CHRNA1: variants seen among roughly 807,000 people sequenced by gnomAD.
The protein encoded by CHRNA1 is cholinergic receptor nicotinic alpha 1 subunit, also known as acetylcholine receptor subunit alpha.
Under a neutral mutation model 47.1 loss-of-function variants are expected in CHRNA1, and 35 were observed. That is an observed-to-expected ratio of 0.74 (90% CI 0.57 to 0.99). The LOEUF (loss-of-function observed/expected upper bound fraction) is 0.99. CHRNA1 is among the 50% of genes least tolerant of loss of function. The probability of loss-of-function intolerance (pLI) is 0.00; values close to 1 mark genes in which losing one functional copy is unlikely to be tolerated. For missense variants in CHRNA1, 506 were observed against 591.1 expected (o/e 0.86, Z 1.49); for synonymous variants, 229 against 223.6 (o/e 1.02, Z -0.22).
At chr2:174,753,140 A>G (rs772902829) in intron 6 of CHRNA1, 56 of 522,728 alleles carry the variant, frequency 1.1e-4, no homozygotes, top group Non-Finnish European at 1.7e-4. Flanking sequence ...AAGTGACTTC[A>G]TCGTGGAAGT....
chr2:174,753,676 C>G lies in CHRNA1; in HGVS notation c.605G>C (p.Arg202Pro), dbSNP rs769337073. 6.2e-7 allele frequency: 1 copy of G among 1,614,012 alleles called. No individual in the cohort carries two copies. Among genetic ancestry groups the G allele is most frequent in the Non-Finnish European group, 8.5e-7 (1 of 1,180,024 alleles). ...ATAGGTCACGGAGTGCTTCCAGCCC[C>G]GGGACTCCTTGATCACCCACTCCCC... ...ESGEWVIKESRGWKHSVTYSC... is the reference protein window; with the variant it reads ...ESGEWVIKESPGWKHSVTYSC... The change falls in exon 6 of 9, where the codon CGG becomes CCG. Residue 202 changes from arginine to proline, a missense_variant. Coordinates refer to ENST00000348749, the MANE Select transcript of CHRNA1 (RefSeq NM_000079.4).
chr2:174,757,801 G>T, intron 3 of CHRNA1, 126 bp from the exon 4 acceptor site: 1 of 1,030,404 alleles, frequency 9.7e-7, no homozygotes, highest in Non-Finnish European at 1.5e-6. Context: ...AAGAAAAGTT[G>T]GATTCAGAAT....
At chr2:174,764,302 C>G in intron 1 of CHRNA1, 50 bp downstream of exon 1, 3 of 1,593,436 alleles carry the variant, frequency 1.9e-6, no homozygotes, top group Non-Finnish European at 2.6e-6. Flanking sequence ...GCCTCCAGCA[C>G]TTTAGCCTCA....
Position 174,753,739 on chromosome 2 carries a change from TC to T in CHRNA1, c.541del (p.Glu181LysfsTer7), listed in dbSNP as rs141198900. 1 of 1,613,924 alleles carries T rather than the reference TC, an allele frequency of 6.2e-7. No individual in the cohort carries two copies. The highest frequency in any genetic ancestry group is 2.2e-5 in the East Asian group (1 of 44,880). ...YDGSVVAINP[E>X]SDQPDLSNFM... ...GTTGCTCAGGTCTGGCTGGTCGCTT[TC>T]CTGAGAAAGGAAGTGAGGTTTGGAA... On this transcript the variant is annotated frameshift_variant and splice_region_variant, in exon 6 of 9. Transcript: ENST00000348749. LOFTEE classifies it high-confidence loss of function.
chr2:174,759,836 C>T (rs959483427), intron 1 of CHRNA1, among the ~76,000 whole-genome samples: 1 of 151,914 alleles, frequency 6.6e-6, no homozygotes, highest in Non-Finnish European at 1.5e-5. Context: ...GTCCCTTACC[C>T]GGTGACAGTG....
At chr2:174,753,299 G>A (rs570702836) in intron 6 of CHRNA1, 80 of 726,730 alleles carry the variant, frequency 1.1e-4, no homozygotes, top group Non-Finnish European at 1.7e-4. Flanking sequence ...ACTCCCTGCC[G>A]CTCGGGGTGT....
At chr2:174,751,146 G>GT (rs891147676) in intron 6 of CHRNA1, among the ~76,000 whole-genome samples, 56 of 151,882 alleles carry the variant, frequency 3.7e-4, no homozygotes, top group South Asian at 8.4e-4. Context: ...TTCTTGTTTT[G>GT]TTTTTTTTGC....
At chr2:174,756,238 C>T (rs773457408) in intron 4 of CHRNA1, among the ~76,000 whole-genome samples, 15 of 152,104 alleles carry the variant, frequency 9.9e-5, no homozygotes, top group Non-Finnish European at 1.9e-4. Context: ...TTACTCTTCC[C>T]GTAAACAGCA....
intron 4 of CHRNA1, among the ~76,000 whole-genome samples, chr2:174,755,709 G>A (rs917290296): frequency 2.6e-5 from 4 of 152,022 alleles, no homozygotes; most frequent in African/African-American, 9.7e-5. Flanking sequence ...TGAGCATTGC[G>A]CCCAGTGAAA....
chr2:174,762,461 T>C (rs892172920), intron 1 of CHRNA1, among the ~76,000 whole-genome samples: 8 of 152,228 alleles, frequency 5.3e-5, no homozygotes, highest in African/African-American at 1.7e-4. Context: ...GATGGTAACA[T>C]TAATTTATTC....
Position 174,748,136 on chromosome 2 carries a change from A to C in CHRNA1, c.1362T>G (p.Asn454Lys). The C allele has an allele frequency of 6.2e-7, 1 of 1,614,092 alleles. No homozygotes were observed. Among genetic ancestry groups the C allele is most frequent in the Non-Finnish European group, 8.5e-7 (1 of 1,180,016 alleles). The change falls in exon 9 of 9, where the codon AAT (asparagine) becomes AAG (lysine). Residue 454 changes from asparagine to lysine, a missense_variant. Physicochemically the swap from Asn to Lys is moderately conservative, Grantham distance 94. Coordinates refer to ENST00000348749, the MANE Select transcript of CHRNA1 (RefSeq NM_000079.4). ...GCTCATTTTCTGCTCATCCTTGCTG[A>C]TTTAATTCAATGAGTCGACCTGCAA... is the stretch of plus-strand genomic sequence containing the variant. ...AVFAGRLIEL[N>K]QQG
chr2:174,753,213 T>C, intron 6 of CHRNA1: 1 of 606,640 alleles, frequency 1.6e-6, no homozygotes, highest in Non-Finnish European at 3.0e-6. Context: ...ACAGTTGGTA[T>C]TCAGCAAATA....
intron 4 of CHRNA1, among the ~76,000 whole-genome samples, chr2:174,755,537 A>G (rs1388485026): frequency 2.0e-5 from 3 of 150,816 alleles, no homozygotes; most frequent in Non-Finnish European, 4.4e-5. Flanking sequence ...CTCCTGCCTC[A>G]GCTCCCGAGT....
intron 4 of CHRNA1, among the ~76,000 whole-genome samples, chr2:174,756,725 A>G (rs1201586952): frequency 1.3e-5 from 2 of 152,220 alleles, no homozygotes; most frequent in East Asian, 3.9e-4. Context: ...AGAAAATCAA[A>G]GCTTGAAAAG....
rs752263750 is a variant in CHRNA1 at position 174,748,776 on chromosome 2, A to T, written c.1046T>A (p.Met349Lys). ...TIPNIMFFSTMKRPSREKQDK... is the reference protein window; with the variant it reads ...TIPNIMFFSTKKRPSREKQDK... ...TTGCTTTTCTCTGGATGGTCTTTTC[A>T]TTGTGGAGAAAAACATGATATTTGG... The change falls in exon 8 of 9, where the codon ATG becomes AAG. Residue 349 changes from methionine to lysine, a missense_variant. Coordinates refer to ENST00000348749, the MANE Select transcript of CHRNA1 (RefSeq NM_000079.4). 5 of 1,614,166 alleles carry T rather than the reference A, an allele frequency of 3.1e-6. No homozygotes were observed. In the Admixed American group the frequency reaches 8.3e-5, roughly 27 times the overall value.
intron 4 of CHRNA1, among the ~76,000 whole-genome samples, chr2:174,757,174 C>T (rs1050847897): frequency 6.6e-6 from 1 of 152,124 alleles, no homozygotes; most frequent in East Asian, 1.9e-4. Flanking sequence ...TGGAAAGTTG[C>T]CACACATGCT....
rs145421881 is a variant in CHRNA1 at position 174,753,734 on chromosome 2, C to T, written c.547G>A (p.Asp183Asn). 2.9e-5 allele frequency: 46 copies of T among 1,613,894 alleles called. No homozygotes were observed. The African/African-American group carries it at 4.3e-4, about 15-fold the overall frequency. Reference sequence around the variant, plus strand: ...ATGAAGTTGCTCAGGTCTGGCTGGTCGCTTTCCTGAGAAAGGAAGTGAGGT... The same window carrying T: ...ATGAAGTTGCTCAGGTCTGGCTGGTTGCTTTCCTGAGAAAGGAAGTGAGGT... ...GSVVAINPES[D>N]QPDLSNFMES... is the part of the protein sequence containing the mutation. The change falls in exon 6 of 9, where the codon GAC (aspartate) becomes AAC (asparagine). Residue 183 changes from aspartate to asparagine, a missense_variant. By Grantham distance (23) the Asp-to-Asn change is conservative. Transcript: ENST00000348749.
At chr2:174,760,196 A>G (rs1684076429) in intron 1 of CHRNA1, among the ~76,000 whole-genome samples, 2 of 152,184 alleles carry the variant, frequency 1.3e-5, no homozygotes, top group Admixed American at 6.5e-5. Flanking sequence ...TCAACAAGTT[A>G]AACACAGGTA....
At chr2:174,760,625 T>A (rs1261916100) in intron 1 of CHRNA1, among the ~76,000 whole-genome samples, 1 of 152,162 alleles carries the variant, frequency 6.6e-6, no homozygotes, top group African/African-American at 2.4e-5. Flanking sequence ...GTTCTGGAAA[T>A]AGATAGTGGT....
Sources: gnomAD v4.1 joint callset for allele counts (sites outside exome capture counted in the v4.1 genomes callset) on GRCh38, gnomAD v4.1.1 for gene constraint, MANE v1.5 for transcripts, NCBI Gene and HGNC (gene_info 2026-07-23, HGNC 2026-07-21) for gene names.